Variants in FHIP1A observed in about 807,000 individuals in gnomAD.
FHIP1A encodes FHF complex subunit HOOK-interacting protein 1A.
In FHIP1A, 61 loss-of-function variants were observed where a neutral mutation model predicts 88.6. That is an observed-to-expected ratio of 0.69 (90% confidence interval 0.56 to 0.85). FHIP1A has a LOEUF of 0.85. Ranked by LOEUF, FHIP1A falls within the 40% of genes least tolerant of loss-of-function variation. The pLI is 0.00. For missense variants in FHIP1A, 1,154 were observed against 1,273.5 expected, an observed-to-expected ratio of 0.91 and a Z score of 1.43; for synonymous variants, 478 against 496.0, an observed-to-expected ratio of 0.96 and a Z score of 0.48.
intron 5 of FHIP1A, among the ~76,000 whole-genome samples, chr4:151,581,105 C>T (rs746632290): frequency 3.3e-5 from 5 of 152,116 alleles, no homozygotes; most frequent in African/African-American, 1.2e-4. Flanking sequence ...GTGATCTGCC[C>T]GCCCAGCCTC....
intron 3 of FHIP1A, among the ~76,000 whole-genome samples, chr4:151,491,380 T>G (rs1195698734): frequency 1.3e-5 from 2 of 152,170 alleles, no homozygotes; most frequent in Non-Finnish European, 2.9e-5. Context: ...GAATTTTGTA[T>G]CCAGTGAAAC....
chr4:151,477,617 T>C (rs1729754362), intron 2 of FHIP1A, among the ~76,000 whole-genome samples: 1 of 152,094 alleles, frequency 6.6e-6, no homozygotes, highest in South Asian at 2.1e-4. Context: ...CTAATTTTCT[T>C]AATAAAAAGC....
intron 3 of FHIP1A, among the ~76,000 whole-genome samples, chr4:151,527,793 A>G (rs988142117): frequency 2.0e-5 from 3 of 152,208 alleles, no homozygotes; most frequent in Non-Finnish European, 2.9e-5. Flanking sequence ...AGAGGTTCAG[A>G]AATGAATAAC....
intron 3 of FHIP1A, among the ~76,000 whole-genome samples, chr4:151,509,718 G>A (rs935619588): frequency 2.0e-5 from 3 of 151,670 alleles, no homozygotes; most frequent in Admixed American, 6.6e-5. Flanking sequence ...TTCCTTTCCC[G>A]TTGAGCTGCT....
At chr4:151,590,639 A>T (rs919429043) in intron 7 of FHIP1A, among the ~76,000 whole-genome samples, 2 of 152,230 alleles carry the variant, frequency 1.3e-5, no homozygotes, top group Non-Finnish European at 2.9e-5. Flanking sequence ...CCTTAGACTT[A>T]GGAGGCTGAA....
At chr4:151,496,458 C>T (rs1258220727) in intron 3 of FHIP1A, among the ~76,000 whole-genome samples, 1 of 151,874 alleles carries the variant, frequency 6.6e-6, no homozygotes, top group Non-Finnish European at 1.5e-5. Context: ...CACATTTGTG[C>T]TCTCATGTAG....
chr4:151,483,303 T>C (rs1053107767), intron 3 of FHIP1A, among the ~76,000 whole-genome samples: 2 of 151,342 alleles, frequency 1.3e-5, no homozygotes. Context: ...AATGATCTTC[T>C]TGTGGGGGTG....
chr4:151,619,818 G>A (rs1242751193), intron 7 of FHIP1A, among the ~76,000 whole-genome samples: 2 of 152,174 alleles, frequency 1.3e-5, no homozygotes, highest in Non-Finnish European at 2.9e-5. Context: ...GAATCGGTGT[G>A]CCTAAGGTTT....
intron 1 of FHIP1A, among the ~76,000 whole-genome samples, chr4:151,431,136 C>CT (rs35026452): frequency 6.6e-6 from 1 of 152,232 alleles, no homozygotes; most frequent in Middle Eastern, 3.4e-3. Flanking sequence ...CAGGCCACTG[C>CT]TTTTTTGGTA....
At position 151,574,396 on chromosome 4, in the gene FHIP1A, CTGTT is replaced by C. The variant is rs1414253943; in HGVS notation, c.106-3050_106-3047del. Among the ~76,000 whole-genome samples the C allele has an allele frequency of 2.6e-5, 4 of 152,112 alleles. No individual in the cohort carries two copies. The East Asian group carries it at 7.7e-4, about 29-fold the overall frequency. On this transcript the variant is annotated intron_variant, in intron 4 of 13. Transcript: ENST00000435205. The stretch of plus-strand genomic sequence containing the variant: ...AAAGTTTTTCATAGCAAAAAGAGGT[CTGTT>C]TGTAAAGGATTGAATTGGAATAAAT...
chr4:151,517,826 AAAG>A (rs1731301487), intron 3 of FHIP1A, among the ~76,000 whole-genome samples: 1 of 152,144 alleles, frequency 6.6e-6, no homozygotes, highest in Non-Finnish European at 1.5e-5. Flanking sequence ...AAAATCCAAA[AAAG>A]CTTATAGAAT....
At chr4:151,468,149 G>A (rs1561508669) in intron 2 of FHIP1A, among the ~76,000 whole-genome samples, 1 of 151,748 alleles carries the variant, frequency 6.6e-6, no homozygotes. Flanking sequence ...GCTGGGTGTG[G>A]TGGCAGGCAC....
intron 3 of FHIP1A, among the ~76,000 whole-genome samples, chr4:151,499,200 G>A (rs1730563264): frequency 6.6e-6 from 1 of 152,172 alleles, no homozygotes; most frequent in Non-Finnish European, 1.5e-5. Context: ...TTTCAAAGCT[G>A]TGACTTGACT....
chr4:151,446,581 C>CTTTTTTTTTTTTTTT (rs35115788), intron 1 of FHIP1A, among the ~76,000 whole-genome samples: 1 of 109,966 alleles, frequency 9.1e-6, no homozygotes, highest in African/African-American at 3.4e-5. Flanking sequence ...TGTTCTTTTT[C>CTTTTTTTTTTTTTTT]TTTTTTTTTT....
chr4:151,582,930 A>G (rs1734078059), intron 5 of FHIP1A, among the ~76,000 whole-genome samples: 1 of 152,214 alleles, frequency 6.6e-6, no homozygotes, highest in Non-Finnish European at 1.5e-5. Flanking sequence ...CTCTTAACCT[A>G]GAAAAGTTAG....
chr4:151,422,887 G>A (rs1396115369), intron 1 of FHIP1A, among the ~76,000 whole-genome samples: 4 of 151,864 alleles, frequency 2.6e-5, no homozygotes, highest in Admixed American at 2.6e-4. Context: ...TGACTTTTAG[G>A]TTCTCTGCCA....
chr4:151,417,911 G>A (rs1732955787), intron 1 of FHIP1A, among the ~76,000 whole-genome samples: 2 of 152,132 alleles, frequency 1.3e-5, no homozygotes, highest in Non-Finnish European at 2.9e-5. Flanking sequence ...GCTCATGCCT[G>A]TAATCCTGGG....
At chr4:151,634,656 G>A (rs1411839273) in intron 8 of FHIP1A, among the ~76,000 whole-genome samples, 1 of 151,800 alleles carries the variant, frequency 6.6e-6, no homozygotes, top group Non-Finnish European at 1.5e-5. Flanking sequence ...AATAGGAAAG[G>A]ACGGTTTCAT....
chr4:151,511,487 C>T (rs913205947), intron 3 of FHIP1A, among the ~76,000 whole-genome samples: 1 of 152,194 alleles, frequency 6.6e-6, no homozygotes, highest in Non-Finnish European at 1.5e-5. Context: ...CAAGGCACTG[C>T]CTCACTCAGG....
Sources: gnomAD v4.1 joint callset for allele counts (sites outside exome capture counted in the v4.1 genomes callset) on GRCh38, gnomAD v4.1.1 for gene constraint, MANE v1.5 for transcripts, NCBI Gene and HGNC (gene_info 2026-07-23, HGNC 2026-07-21) for gene names.